Variants in TRIP11 observed in about 807,000 individuals in gnomAD.
The protein encoded by TRIP11 is thyroid receptor-interacting protein 11.
TRIP11 carries 148 observed loss-of-function variants against 223.1 expected under a neutral mutation model. That is an observed-to-expected ratio of 0.66 (90% CI 0.58 to 0.76). The LOEUF (loss-of-function observed/expected upper bound fraction) is 0.76. TRIP11 is among the 30% of genes least tolerant of loss of function. The pLI is 0.00. For missense variants in TRIP11, 2,043 were observed against 2,222.0 expected, an observed-to-expected ratio of 0.92 and a Z score of 1.62; for synonymous variants, 762 against 772.6, an observed-to-expected ratio of 0.99 and a Z score of 0.23.
intron 2 of TRIP11, 48 bp downstream of exon 2, chr14:92,033,144 T>C: frequency 7.1e-7 from 1 of 1,415,822 alleles, no homozygotes; most frequent in East Asian, 2.3e-5. Context: ...TGAGTAACCT[T>C]CATGACTTCA....
intron 11 of TRIP11, among the ~76,000 whole-genome samples, 174 bp downstream of exon 11, chr14:92,003,245 A>C (rs2056850703): frequency 6.6e-6 from 1 of 152,234 alleles, no homozygotes; most frequent in African/African-American, 2.4e-5. Flanking sequence ...AATTTGAGGG[A>C]GAACTTCCAG....
chr14:91,993,771 A>T (rs2056711884), intron 15 of TRIP11, 38 bp downstream of exon 15: 1 of 1,481,588 alleles, frequency 6.7e-7, no homozygotes, highest in Admixed American at 1.7e-5. Context: ...CTGTTCCATG[A>T]ATAATAAAAC....
In TRIP11 at chr14:91,968,774, T is replaced by A. The variant is rs1234124858; in HGVS notation, c.*899A>T. On this transcript the variant is annotated 3_prime_UTR_variant, in exon 21 of 21. Coordinates refer to ENST00000267622, the MANE Select transcript of TRIP11 (RefSeq NM_004239.4). Reference sequence around the variant, plus strand: ...AAGCCAGTCTCAAGAGGGTATATATTGATTCCATTTATATAACATTCTCAA... The same window carrying A: ...AAGCCAGTCTCAAGAGGGTATATATAGATTCCATTTATATAACATTCTCAA... 1 of 230,456 alleles carries A rather than the reference T, an allele frequency of 4.3e-6. No individual in the cohort carries two copies. Among genetic ancestry groups the A allele is most frequent in the African/African-American group, 2.2e-5 (1 of 45,104 alleles). 14.3% of individuals were successfully genotyped at this position (230,456 alleles called of 1,614,324 possible).
chr14:92,039,629 G>A lies in TRIP11; in HGVS notation c.57C>T (p.Val19=), dbSNP rs763091330. The A allele has an allele frequency of 3.1e-6, 5 of 1,612,492 alleles. No homozygotes were observed. The Admixed American group carries it at 8.4e-5, about 27-fold the overall frequency. Residue 19 remains valine, a synonymous_variant, in exon 1 of 21, where the codon GTC becomes GTT. Transcript: ENST00000267622. ...GSGLGQSLGQ[V]GGSLASLTGQ... ...CAGTGAGGGAAGCCAGGCTGCCCCC[G>A]ACTTGACCCAGAGACTGGCCCAATC... is the stretch of plus-strand genomic sequence containing the variant.
At chr14:92,030,978 T>TG (rs146172079) in intron 2 of TRIP11, among the ~76,000 whole-genome samples, 43,971 of 151,924 alleles carry the variant, frequency 0.29, 6,814 homozygotes, top group African/African-American at 0.4. Context: ...AGGCTGGGCA[T>TG]GTGGCTCATG....
intron 11 of TRIP11, 34 bp from the exon 12 acceptor site, chr14:92,000,142 C>T (rs776506016): frequency 1.3e-5 from 19 of 1,492,648 alleles, no homozygotes; most frequent in Non-Finnish European, 1.6e-5. Context: ...CTTTAAAAAA[C>T]ACACACACAC....
At chr14:92,020,288 C>T (rs2057094329) in intron 4 of TRIP11, among the ~76,000 whole-genome samples, 1 of 151,542 alleles carries the variant, frequency 6.6e-6, no homozygotes, top group African/African-American at 2.4e-5. Context: ...GAAAAGATTC[C>T]AAAATCCAAA....
At position 92,004,697 on chromosome 14, in the gene TRIP11, A is replaced by C; in HGVS notation, c.3279T>G (p.Ala1093=). 6.2e-7 allele frequency: 1 copy of C among 1,614,150 alleles called. No homozygotes were observed. The highest frequency in any genetic ancestry group is 8.5e-7 in the Non-Finnish European group (1 of 1,180,016). ...DVVYLQQQLQ[A]YAMEREKVFA... ...ATACCTTTTCTCTTTCCATAGCATA[A>C]GCCTGCAGTTGCTGTTGAAGGTAAA... The change falls in exon 11 of 21, where the codon GCT becomes GCG. Residue 1093 remains alanine, a synonymous_variant. Coordinates refer to ENST00000267622, the MANE Select transcript of TRIP11 (RefSeq NM_004239.4).
chr14:92,036,909 T>C (rs1009774279), intron 1 of TRIP11, among the ~76,000 whole-genome samples: 1 of 152,176 alleles, frequency 6.6e-6, no homozygotes, highest in Non-Finnish European at 1.5e-5. Context: ...TAAAAACTTT[T>C]TGTAGAGATG....
At chr14:92,001,894 A>C (rs2056831734) in intron 11 of TRIP11, among the ~76,000 whole-genome samples, 1 of 152,224 alleles carries the variant, frequency 6.6e-6, no homozygotes, top group Non-Finnish European at 1.5e-5. Context: ...AGAACACCTT[A>C]ACACTGATAA....
intron 2 of TRIP11, among the ~76,000 whole-genome samples, chr14:92,031,869 G>A (rs749498114): frequency 1.3e-5 from 2 of 152,074 alleles, no homozygotes; most frequent in Non-Finnish European, 2.9e-5. Flanking sequence ...CTGGAATACA[G>A]TGGCAGGATC....
rs771499403 is a variant in TRIP11 at position 92,004,298 on chromosome 14, C to T, written c.3678G>A (p.Gln1226=). ...TATTTTGTACTGTGGTCATCACCTG[C>T]TGCTTCCACTCTTCCATTTTCTTTA... ...QQVKKMEEWK[Q]QVMTTVQNMQ... The change falls in exon 11 of 21, where the codon CAG becomes CAA. Residue 1226 remains glutamine, a synonymous_variant. Transcript: ENST00000267622. 3.7e-6 allele frequency: 6 copies of T among 1,614,092 alleles called. No homozygotes were observed. In the South Asian group the frequency reaches 5.5e-5, roughly 15 times the overall value.
intron 2 of TRIP11, 44 bp from the exon 3 acceptor site, chr14:92,025,464 CAT>C: frequency 7.2e-7 from 1 of 1,385,386 alleles, no homozygotes; most frequent in African/African-American, 1.4e-5. Context: ...GCAAGTAAAA[CAT>C]GTAATTAGTT....
At chr14:92,021,161 G>C (rs887902222) in intron 4 of TRIP11, among the ~76,000 whole-genome samples, 1 of 151,522 alleles carries the variant, frequency 6.6e-6, no homozygotes, top group Non-Finnish European at 1.5e-5. Context: ...GGGAGGCCGA[G>C]GTGGGCAGAT....
At chr14:92,018,148 G>A (rs1381116988) in intron 4 of TRIP11, among the ~76,000 whole-genome samples, 2 of 147,802 alleles carry the variant, frequency 1.4e-5, no homozygotes, top group African/African-American at 5.0e-5. Flanking sequence ...AGGCTGGAAT[G>A]CAGTGGTGTG....
intron 5 of TRIP11, among the ~76,000 whole-genome samples, chr14:92,016,175 C>G (rs975390177): frequency 6.6e-6 from 1 of 152,226 alleles, no homozygotes; most frequent in Admixed American, 6.5e-5. Context: ...CCTAATGACA[C>G]TTTCTGCCAA....
chr14:91,973,862 T>C (rs2056429866), intron 19 of TRIP11, among the ~76,000 whole-genome samples: 1 of 151,968 alleles, frequency 6.6e-6, no homozygotes, highest in South Asian at 2.1e-4. Flanking sequence ...CAGTCTCCAC[T>C]AAAAATACAA....
intron 18 of TRIP11, 117 bp downstream of exon 18, chr14:91,975,055 T>G (rs2056446755): frequency 1.0e-6 from 1 of 958,764 alleles, no homozygotes; most frequent in African/African-American, 1.6e-5. Flanking sequence ...GTAATTCCAT[T>G]TCCACACTGA....
At chr14:92,035,378 T>C (rs1467622867) in intron 1 of TRIP11, among the ~76,000 whole-genome samples, 2 of 151,816 alleles carry the variant, frequency 1.3e-5, no homozygotes, top group Non-Finnish European at 2.9e-5. Flanking sequence ...TTCTAAGTAC[T>C]AGTATTTTTT....
Sources: allele counts gnomAD v4.1 joint callset (sites outside exome capture counted in the v4.1 genomes callset), GRCh38; gene constraint gnomAD v4.1.1; transcripts MANE v1.5; gene names NCBI Gene and HGNC (gene_info 2026-07-23, HGNC 2026-07-21).